ANXA8: variants seen among roughly 807,000 people sequenced by gnomAD.
ANXA8 encodes VAC-beta.
In ANXA8, 9 loss-of-function variants were observed where a neutral mutation model predicts 26.8. The ratio of observed to expected loss-of-function variants is 0.34; its 90% CI spans 0.20 to 0.59. The LOEUF (loss-of-function observed/expected upper bound fraction) is 0.59, where lower values mean the gene tolerates loss of function less well. ANXA8 is among the 20% of genes least tolerant of loss of function. ANXA8 has a pLI of 0.84. For synonymous variants in ANXA8, 39 were observed against 94.8 expected (o/e 0.41, Z 3.42); for missense variants, 83 against 238.5 (o/e 0.35, Z 4.29).
At chr10:47,673,859 A>C in the ANXA8 span, among the ~76,000 whole-genome samples, 5 of 149,212 alleles carry the variant, frequency 3.4e-5, no homozygotes, top group East Asian at 9.8e-4. Context: ...TAATGAACTA[A>C]TACTGATATA....
At chr10:47,747,471 T>TG in the ANXA8 span, among the ~76,000 whole-genome samples, 1 of 136,410 alleles carries the variant, frequency 7.3e-6, no homozygotes, top group East Asian at 2.2e-4. Flanking sequence ...TTGGAATCCT[T>TG]GGAGGACCAC....
At chr10:47,581,828 A>G in the ANXA8 span, among the ~76,000 whole-genome samples, 1 of 150,716 alleles carries the variant, frequency 6.6e-6, no homozygotes, top group African/African-American at 2.5e-5. Context: ...GATGGTCTCA[A>G]TCTCCTGACT....
chr10:47,975,266 G>A, the ANXA8 span, among the ~76,000 whole-genome samples: 1 of 149,642 alleles, frequency 6.7e-6, no homozygotes, highest in African/African-American at 2.4e-5. Flanking sequence ...ACTGGGCTTA[G>A]AGCGAAAGAA....
the ANXA8 span, among the ~76,000 whole-genome samples, chr10:47,733,287 CTTTCTTTCTT>C: frequency 0.012 from 871 of 73,052 alleles, 14 homozygotes; most frequent in African/African-American, 0.024. Context: ...TTCTTTCTTT[CTTTCTTTCTT>C]TTTTTTCTTT....
At chr10:47,700,725 AG>A in the ANXA8 span, among the ~76,000 whole-genome samples, 2 of 151,554 alleles carry the variant, frequency 1.3e-5, no homozygotes, top group African/African-American at 4.9e-5. Flanking sequence ...ACAAACTTGG[AG>A]AAAATATTTG....
chr10:47,763,811 G>T, the ANXA8 span, among the ~76,000 whole-genome samples: 1 of 143,450 alleles, frequency 7.0e-6, no homozygotes, highest in Non-Finnish European at 1.5e-5. Context: ...GGGGGTGGTT[G>T]TGGGGGAGTG....
At chr10:47,490,571 C>G in the ANXA8 span, among the ~76,000 whole-genome samples, 27 of 151,834 alleles carry the variant, frequency 1.8e-4, no homozygotes, top group South Asian at 6.2e-4. Flanking sequence ...CATATGGCTA[C>G]TTGAGAGAAT....
At chr10:47,941,000 G>A in the ANXA8 span, among the ~76,000 whole-genome samples, 3 of 142,164 alleles carry the variant, frequency 2.1e-5, no homozygotes, top group East Asian at 2.3e-4. Context: ...TCTGGGCACC[G>A]GTGGAAGCAA....
the ANXA8 span, among the ~76,000 whole-genome samples, chr10:47,632,316 C>G: frequency 7.3e-5 from 11 of 150,358 alleles, no homozygotes; most frequent in Admixed American, 4.6e-4. Flanking sequence ...CTAATCCTAC[C>G]AAAACATTCT....
the ANXA8 span, among the ~76,000 whole-genome samples, chr10:47,568,567 T>G: frequency 4.5e-5 from 2 of 44,864 alleles, no homozygotes; most frequent in African/African-American, 2.1e-4. Context: ...TTTTTTTTTT[T>G]TGCTTTTTGT....
the ANXA8 span, among the ~76,000 whole-genome samples, chr10:47,597,661 C>A: frequency 5.0e-5 from 2 of 40,272 alleles, no homozygotes; most frequent in Admixed American, 2.4e-4. Context: ...TTACAAGAGC[C>A]ACAGAAAAAA....
At chr10:47,646,200 C>T in the ANXA8 span, among the ~76,000 whole-genome samples, 3 of 141,328 alleles carry the variant, frequency 2.1e-5, no homozygotes, top group Admixed American at 7.0e-5. Context: ...GGTTCTGTTT[C>T]TCTGGAGAAC....
At chr10:47,777,558 G>A in the ANXA8 span, among the ~76,000 whole-genome samples, 2 of 152,314 alleles carry the variant, frequency 1.3e-5, no homozygotes, top group African/African-American at 4.8e-5. Flanking sequence ...TAAACATGGT[G>A]GGAAACCTCA....
chr10:47,743,329 C>CACATATATATACACAT, the ANXA8 span, among the ~76,000 whole-genome samples: 3 of 47,788 alleles, frequency 6.3e-5, no homozygotes, highest in Non-Finnish European at 1.2e-4. Context: ...TATATATATA[C>CACATATATATACACAT]ATATATATAT....
the ANXA8 span, among the ~76,000 whole-genome samples, chr10:47,666,633 G>C: frequency 1.3e-5 from 2 of 151,912 alleles, no homozygotes; most frequent in Admixed American, 6.5e-5. Context: ...TTAGTTTCCA[G>C]GGGTCAGGTT....
At chr10:47,733,211 T>TTCTTTC in the ANXA8 span, among the ~76,000 whole-genome samples, 1 of 82,360 alleles carries the variant, frequency 1.2e-5, no homozygotes, top group East Asian at 3.6e-4. Context: ...CTTTCTTTCT[T>TTCTTTC]TCTTTCTTTC....
the ANXA8 span, among the ~76,000 whole-genome samples, chr10:47,513,288 C>G: frequency 7.0e-6 from 1 of 143,108 alleles, no homozygotes. Context: ...CCGCCTCAGC[C>G]TCCCAAAGTG....
the ANXA8 span, among the ~76,000 whole-genome samples, chr10:47,776,522 TC>T: frequency 6.6e-6 from 1 of 151,898 alleles, no homozygotes; most frequent in Non-Finnish European, 1.5e-5. Context: ...GGCTCCAGTA[TC>T]CGGCTTCATG....
At chr10:47,754,960 TTTC>T in the ANXA8 span, among the ~76,000 whole-genome samples, 2 of 19,674 alleles carry the variant, frequency 1.0e-4, no homozygotes, top group Admixed American at 2.8e-3. Flanking sequence ...TTTCTTTTCT[TTTC>T]TTTTTTTTTT....
Sources: allele counts gnomAD v4.1 joint callset (sites outside exome capture counted in the v4.1 genomes callset), GRCh38; gene constraint gnomAD v4.1.1; transcripts MANE v1.5; gene names NCBI Gene and HGNC (gene_info 2026-07-23, HGNC 2026-07-21).